The following GPC5 variants were observed in gnomAD, a reference collection of about 807,000 sequenced individuals.
GPC5 encodes the protein glypican 5.
A neutral mutation model predicts 53.9 loss-of-function variants in GPC5; 47 were observed. The ratio of observed to expected loss-of-function variants is 0.87; its 90% CI spans 0.69 to 1.11. GPC5 has a LOEUF of 1.11. Ranked by LOEUF, GPC5 falls within the 50% of genes most tolerant of loss-of-function variation. The pLI is 0.00. For synonymous variants in GPC5, 286 were observed against 263.3 expected, an observed-to-expected ratio of 1.09 and a Z score of -0.84; for missense variants, 748 against 713.1, an observed-to-expected ratio of 1.05 and a Z score of -0.56.
intron 7 of GPC5, among the ~76,000 whole-genome samples, chr13:92,575,242 C>A (rs146379049): frequency 6.6e-6 from 1 of 152,076 alleles, no homozygotes; most frequent in East Asian, 1.9e-4. Context: ...AGGGTCTTTG[C>A]AGATGTAATT....
intron 6 of GPC5, among the ~76,000 whole-genome samples, chr13:91,944,810 A>G (rs1240995219): frequency 6.6e-6 from 1 of 152,146 alleles, no homozygotes; most frequent in Non-Finnish European, 1.5e-5. Flanking sequence ...ATAACTGTAC[A>G]CTTTATAGCT....
chr13:92,216,358 C>A (rs564200619), intron 7 of GPC5, among the ~76,000 whole-genome samples: 6 of 152,232 alleles, frequency 3.9e-5, no homozygotes, highest in Non-Finnish European at 7.4e-5. Flanking sequence ...CAGGTAACAA[C>A]AACAGCCAAG....
intron 5 of GPC5, among the ~76,000 whole-genome samples, chr13:91,758,770 T>C (rs1000682841): frequency 3.3e-5 from 5 of 152,142 alleles, no homozygotes; most frequent in Admixed American, 1.3e-4. Flanking sequence ...CACAGACTCC[T>C]GTCTATTAGC....
In GPC5 at chr13:91,647,300, G is replaced by T. The variant is rs73609951; in HGVS notation, c.326-45887G>T. Among the ~76,000 whole-genome samples, 1,465 of 152,254 alleles carry T rather than the reference G, an allele frequency of 9.6e-3. 31 individuals are homozygous for T. The highest frequency in any genetic ancestry group is 0.033 in the African/African-American group (1,370 of 41,540). ...AGTTCTATAGGTTAGCACTGTCATC[G>T]ACAGCAGGTTTCACATTCCACGCTT... On this transcript the variant is annotated intron_variant, in intron 2 of 7. Coordinates refer to ENST00000377067, the MANE Select transcript of GPC5 (RefSeq NM_004466.6).
chr13:92,663,586 T>C (rs1428566780), intron 7 of GPC5, among the ~76,000 whole-genome samples: 1 of 84,902 alleles, frequency 1.2e-5, no homozygotes, highest in African/African-American at 3.4e-5. Flanking sequence ...AATATATATA[T>C]ATATATATCT....
At chr13:92,200,996 C>T (rs1211138054) in intron 7 of GPC5, among the ~76,000 whole-genome samples, 1 of 151,218 alleles carries the variant, frequency 6.6e-6, no homozygotes, top group Non-Finnish European at 1.5e-5. Flanking sequence ...CACACACACA[C>T]ACACACACAC....
At chr13:91,464,115 T>G (rs769207526) in intron 2 of GPC5, among the ~76,000 whole-genome samples, 3 of 152,058 alleles carry the variant, frequency 2.0e-5, no homozygotes, top group Non-Finnish European at 2.9e-5. Context: ...AGATGACAAC[T>G]AAGTACATGA....
intron 2 of GPC5, among the ~76,000 whole-genome samples, chr13:91,524,744 T>A (rs2138614977): frequency 6.6e-6 from 1 of 152,268 alleles, no homozygotes; most frequent in South Asian, 2.1e-4. Context: ...TCTCAGGTTA[T>A]AGAGGAGAGA....
At chr13:91,629,350 A>T (rs72632630) in intron 2 of GPC5, among the ~76,000 whole-genome samples, 7,342 of 151,832 alleles carry the variant, frequency 0.048, 364 homozygotes, top group South Asian at 0.23. Context: ...ATTTAAATTT[A>T]TTTTTTTTCA....
chr13:92,514,178 AT>A (rs991634553), intron 7 of GPC5, among the ~76,000 whole-genome samples: 1 of 114,670 alleles, frequency 8.7e-6, no homozygotes, highest in African/African-American at 3.4e-5. Context: ...GGTCATATTG[AT>A]TTGTCACCTG....
intron 2 of GPC5, among the ~76,000 whole-genome samples, chr13:91,607,196 C>T (rs1477525697): frequency 1.3e-5 from 2 of 151,558 alleles, no homozygotes; most frequent in Non-Finnish European, 2.9e-5. Context: ...ATAATGATGC[C>T]AAGTGTGAAG....
chr13:92,373,645 T>G (rs1049319038), intron 7 of GPC5, among the ~76,000 whole-genome samples: 1 of 152,228 alleles, frequency 6.6e-6, no homozygotes, highest in African/African-American at 2.4e-5. Flanking sequence ...ATATCCCTGA[T>G]AATATTCTGT....
At chr13:91,575,230 G>T (rs544062171) in intron 2 of GPC5, among the ~76,000 whole-genome samples, 1 of 152,016 alleles carries the variant, frequency 6.6e-6, no homozygotes, top group Non-Finnish European at 1.5e-5. Context: ...AATACTGAAA[G>T]ATAAAAATAG....
intron 7 of GPC5, among the ~76,000 whole-genome samples, chr13:92,739,624 T>C (rs1467541394): frequency 6.6e-6 from 1 of 151,688 alleles, no homozygotes; most frequent in African/African-American, 2.4e-5. Context: ...TTTCAAACTA[T>C]CATTACGTCA....
At position 91,583,186 on chromosome 13, in the gene GPC5, C is replaced by G. The variant is rs140664812; in HGVS notation, c.326-110001C>G. ...AAAATTATGTTCACTATCACCACTT[C>G]TATTCAAATGTTATCAGATGTGTAG... On this transcript the variant is annotated intron_variant, in intron 2 of 7. Coordinates refer to ENST00000377067, the MANE Select transcript of GPC5 (RefSeq NM_004466.6). 1.1e-4 allele frequency among the ~76,000 whole-genome samples: 17 copies of G among 152,032 alleles called. No individual in the cohort carries two copies. The East Asian group carries it at 3.3e-3, about 29-fold the overall frequency.
intron 7 of GPC5, among the ~76,000 whole-genome samples, chr13:92,159,620 T>TTG (rs1491190704): frequency 9.3e-5 from 13 of 139,882 alleles, no homozygotes; most frequent in African/African-American, 2.9e-4. Context: ...TTTTTTTTTT[T>TTG]GAGACAGAGT....
chr13:92,424,826 T>G (rs981370296), intron 7 of GPC5, among the ~76,000 whole-genome samples: 5 of 152,054 alleles, frequency 3.3e-5, no homozygotes, highest in Admixed American at 3.3e-4. Flanking sequence ...ATTCATTCAT[T>G]CATTCATTCA....
chr13:91,770,866 G>A (rs2037612426), intron 5 of GPC5, among the ~76,000 whole-genome samples: 1 of 152,032 alleles, frequency 6.6e-6, no homozygotes, highest in South Asian at 2.1e-4. Context: ...GCCAATTTTT[G>A]TGTGGTATAC....
intron 6 of GPC5, among the ~76,000 whole-genome samples, chr13:91,934,153 G>T (rs1168829943): frequency 6.6e-6 from 1 of 151,900 alleles, no homozygotes; most frequent in African/African-American, 2.4e-5. Flanking sequence ...CATAGCCTAT[G>T]TCAGTATACA....
Sources: allele counts gnomAD v4.1 joint callset (sites outside exome capture counted in the v4.1 genomes callset), GRCh38; gene constraint gnomAD v4.1.1; transcripts MANE v1.5; gene names NCBI Gene and HGNC (gene_info 2026-07-23, HGNC 2026-07-21).